ADGRV1: variants seen among roughly 807,000 people sequenced by gnomAD.
ADGRV1 encodes the protein adhesion G protein-coupled receptor V1.
A neutral mutation model predicts 596.2 loss-of-function variants in ADGRV1; 359 were observed. The observed-to-expected ratio is 0.60, with a 90% CI of 0.55 to 0.66. The LOEUF (loss-of-function observed/expected upper bound fraction) is 0.66. ADGRV1 is among the 30% of genes least tolerant of loss of function. The probability of loss-of-function intolerance (pLI) is 0.00; values close to 1 mark genes in which losing one functional copy is unlikely to be tolerated. For missense variants in ADGRV1, 7,274 were observed against 7,575.6 expected, an observed-to-expected ratio of 0.96 and a Z score of 1.48; for synonymous variants, 2,681 against 2,679.2, an observed-to-expected ratio of 1.00 and a Z score of -0.02.
chr5:90,566,352 T>G (rs954860718), intron 1 of ADGRV1, among the ~76,000 whole-genome samples: 1 of 152,144 alleles, frequency 6.6e-6, no homozygotes, highest in Non-Finnish European at 1.5e-5. Context: ...TGATATAAGC[T>G]TCCTTCATTT....
At chr5:91,155,971 G>A (rs756855157) in intron 89 of ADGRV1, among the ~76,000 whole-genome samples, 10 of 152,302 alleles carry the variant, frequency 6.6e-5, no homozygotes, top group South Asian at 2.1e-4. Context: ...GAGGAATGCC[G>A]AGGAAAGACT....
At chr5:90,633,751 G>GGCTTCTGT (rs972853894) in intron 9 of ADGRV1, among the ~76,000 whole-genome samples, 1 of 151,670 alleles carries the variant, frequency 6.6e-6, no homozygotes, top group African/African-American at 2.4e-5. Flanking sequence ...TATTTTATGT[G>GGCTTCTGT]GCTTCATCTA....
At position 91,000,668 on chromosome 5, in the gene ADGRV1, C is replaced by CTGTGTGTGTGTGTGTGTG. The variant is rs6149110; in HGVS notation, c.18152+15170_18152+15187dup. Among the ~76,000 whole-genome samples the CTGTGTGTGTGTGTGTGTG allele has an allele frequency of 2.5e-3, 360 of 141,236 alleles. 2 individuals carry two copies. The highest frequency in any genetic ancestry group is 7.8e-3 in the East Asian group (37 of 4,746). The allele number at this position is 141,236 out of a possible 152,430, so 92.7% of individuals were successfully genotyped here. Reference sequence around the variant, plus strand: ...TCCAGAGAAACAGAGCTTACAGGATCTGTGTGTGTGTGTGTGTGTGTGTGT... The same window carrying CTGTGTGTGTGTGTGTGTG: ...TCCAGAGAAACAGAGCTTACAGGATCTGTGTGTGTGTGTGTGTGTGTGTGTGTGTGTGTGTGTGTGTGT... On this transcript the variant is annotated intron_variant, in intron 85 of 89. Coordinates refer to ENST00000405460, the MANE Select transcript of ADGRV1 (RefSeq NM_032119.4).
At chr5:90,845,899 C>T (rs1765836657) in intron 78 of ADGRV1, among the ~76,000 whole-genome samples, 1 of 152,078 alleles carries the variant, frequency 6.6e-6, no homozygotes, top group Admixed American at 6.6e-5. Flanking sequence ...TTTCAGTATC[C>T]AGTGGTTGTG....
Position 91,035,861 on chromosome 5 carries a change from T to TAATATATATAATA in ADGRV1, c.18153-36586_18153-36585insAATATATATAATA. 3.2e-4 allele frequency among the ~76,000 whole-genome samples: 31 copies of TAATATATATAATA among 96,380 alleles called. 1 individual carries two copies. Among genetic ancestry groups the TAATATATATAATA allele is most frequent in the Admixed American group, 6.4e-4 (6 of 9,436 alleles). The allele number at this position is 96,380 out of a possible 152,430, so 63.2% of individuals were successfully genotyped here. On this transcript the variant is annotated intron_variant, in intron 85 of 89. Transcript: ENST00000405460. ...ATGAGTGTGTATATATATATATATA[T>TAATATATATAATA]TATATATATATATATATATATCTTA...
intron 9 of ADGRV1, 55 bp downstream of exon 9, chr5:90,629,594 C>A: frequency 1.7e-6 from 2 of 1,178,288 alleles, no homozygotes; most frequent in Non-Finnish European, 2.4e-6. Context: ...GTGTACTAAC[C>A]TGTGTGAAAG....
chr5:91,080,015 G>A lies in ADGRV1; in HGVS notation c.18310+7411G>A, dbSNP rs565621148. On this transcript the variant is annotated intron_variant, in intron 86 of 89. Coordinates refer to ENST00000405460, the MANE Select transcript of ADGRV1 (RefSeq NM_032119.4). ...CGATTCACCATTCATCAGGCACTGT[G>A]TTAAGAATTTCACGTATGTTATCTC... 6.6e-5 allele frequency among the ~76,000 whole-genome samples: 10 copies of A among 152,082 alleles called. No individual in the cohort carries two copies. The East Asian group carries it at 1.9e-3, about 29-fold the overall frequency.
At chr5:90,601,264 C>T (rs759260071) in intron 1 of ADGRV1, among the ~76,000 whole-genome samples, 1 of 150,708 alleles carries the variant, frequency 6.6e-6, no homozygotes, top group Non-Finnish European at 1.5e-5. Context: ...CAAGGGAAAA[C>T]GAATTCTTGT....
At chr5:90,676,721 C>G (rs1744274312) in intron 25 of ADGRV1, 1 of 153,070 alleles carries the variant, frequency 6.5e-6, no homozygotes, top group African/African-American at 2.4e-5. Context: ...GGTAGGTTCC[C>G]CTAAGGTCAC....
intron 87 of ADGRV1, among the ~76,000 whole-genome samples, chr5:91,111,046 A>G (rs1317342521): frequency 2.0e-5 from 3 of 152,228 alleles, no homozygotes; most frequent in Non-Finnish European, 2.9e-5. Flanking sequence ...GTTGGTTAAA[A>G]TCATTTTCAT....
intron 34 of ADGRV1, among the ~76,000 whole-genome samples, chr5:90,698,144 A>C (rs1747444173): frequency 6.6e-6 from 1 of 152,176 alleles, no homozygotes; most frequent in Non-Finnish European, 1.5e-5. Context: ...TCATAGCAGT[A>C]ATGAGTAAAA....
intron 9 of ADGRV1, among the ~76,000 whole-genome samples, chr5:90,632,293 C>A (rs189906625): frequency 8.6e-4 from 131 of 152,232 alleles, no homozygotes; most frequent in African/African-American, 3.1e-3. Context: ...CCTGGGCATT[C>A]TGGCATATGT....
rs148412122 is a variant in ADGRV1, at chr5:90,649,672, A to T, written c.3289+1908A>T. Among the ~76,000 whole-genome samples the T allele has an allele frequency of 4.7e-3, 711 of 152,214 alleles. 6 individuals carry two copies. Among genetic ancestry groups the T allele is most frequent in the African/African-American group, 0.016 (666 of 41,548 alleles). ...CCCAGCTAATGTTTGTATTTTTAGT[A>T]GAGACGGGGTTTCATCGTGTTGGCC... On this transcript the variant is annotated intron_variant, in intron 17 of 89. Transcript: ENST00000405460.
chr5:90,957,844 G>A (rs2150934957), intron 83 of ADGRV1, among the ~76,000 whole-genome samples: 1 of 151,538 alleles, frequency 6.6e-6, no homozygotes, highest in Admixed American at 6.6e-5. Context: ...TGCTATATAT[G>A]AAGTAGTATA....
At chr5:91,085,193 C>T (rs1010355975) in intron 86 of ADGRV1, among the ~76,000 whole-genome samples, 1 of 152,046 alleles carries the variant, frequency 6.6e-6, no homozygotes, top group African/African-American at 2.4e-5. Flanking sequence ...CAAACCTGCA[C>T]GTTGTGCACA....
intron 87 of ADGRV1, among the ~76,000 whole-genome samples, chr5:91,114,494 T>A (rs899536816): frequency 6.6e-6 from 1 of 151,950 alleles, no homozygotes; most frequent in Non-Finnish European, 1.5e-5. Flanking sequence ...ACCACTGCAC[T>A]CCAGCCTCGG....
chr5:90,766,598 C>G (rs994742585), intron 59 of ADGRV1, among the ~76,000 whole-genome samples: 2 of 152,116 alleles, frequency 1.3e-5, no homozygotes, highest in African/African-American at 2.4e-5. Context: ...GAATAACAAG[C>G]ATATTACAGT....
At chr5:90,778,144 T>C in intron 62 of ADGRV1, 101 bp downstream of exon 62, 2 of 1,310,036 alleles carry the variant, frequency 1.5e-6, no homozygotes, top group South Asian at 2.9e-5. Flanking sequence ...TGTGTGTGTG[T>C]GGTTAGAAGT....
Position 90,643,049 on chromosome 5 carries a change from A to G in ADGRV1, c.2553+8A>G. The G allele has an allele frequency of 1.2e-6, 2 of 1,604,962 alleles. No individual in the cohort carries two copies. The highest frequency in any genetic ancestry group is 8.5e-7 in the Non-Finnish European group (1 of 1,172,380). The stretch of plus-strand genomic sequence containing the variant: ...TTGGATGGGATACCAGAGGTATGGG[A>G]TTTTATATTTTCTTTGTGTTTCTCT... On this transcript the variant is annotated splice_region_variant and intron_variant, in intron 13 of 89. Coordinates refer to ENST00000405460, the MANE Select transcript of ADGRV1 (RefSeq NM_032119.4).
Sources: gnomAD v4.1 joint callset for allele counts (sites outside exome capture counted in the v4.1 genomes callset) on GRCh38, gnomAD v4.1.1 for gene constraint, MANE v1.5 for transcripts, NCBI Gene and HGNC (gene_info 2026-07-23, HGNC 2026-07-21) for gene names.